CTNS: variants seen among roughly 807,000 people sequenced by gnomAD.
CTNS encodes the protein cystinosin, lysosomal cystine transporter.
CTNS carries 27 observed loss-of-function variants against 43.7 expected under a neutral mutation model. The ratio of observed to expected loss-of-function variants is 0.62; its 90% confidence interval spans 0.46 to 0.85. The LOEUF is 0.85. Among genes scored for constraint, CTNS ranks in the 40% least tolerant of loss-of-function variants. The pLI, the probability that CTNS is intolerant of heterozygous loss-of-function variation, is 0.00. For missense variants in CTNS, 457 were observed against 475.4 expected (o/e 0.96, Z 0.36); for synonymous variants, 187 against 190.6 (o/e 0.98, Z 0.16).
intron 5 of CTNS, among the ~76,000 whole-genome samples, chr17:3,652,605 A>G (rs2076013963): frequency 6.6e-6 from 1 of 152,122 alleles, no homozygotes; most frequent in African/African-American, 2.4e-5. Context: ...AAAATAAAAA[A>G]TGTCTAGGAT....
intron 5 of CTNS, among the ~76,000 whole-genome samples, chr17:3,653,689 A>G (rs189415645): frequency 6.6e-6 from 1 of 152,256 alleles, no homozygotes; most frequent in African/African-American, 2.4e-5. Context: ...CAGGCTGACC[A>G]ACATGGTGAA....
At chr17:3,641,365 T>G (rs1038416160) in intron 3 of CTNS, among the ~76,000 whole-genome samples, 7,419 of 27,584 alleles carry the variant, frequency 0.27, 1,172 homozygotes, top group Non-Finnish European at 0.36. Context: ...GATACATATA[T>G]ATATATATAT....
intron 10 of CTNS, among the ~76,000 whole-genome samples, chr17:3,658,662 C>T (rs11656829): frequency 0.2 from 29,917 of 152,256 alleles, 3,196 homozygotes; most frequent in East Asian, 0.25. Context: ...GAAGTTGCTG[C>T]ACCCGGGGAC....
chr17:3,656,047 T>C, intron 7 of CTNS: 1 of 314,126 alleles, frequency 3.2e-6, no homozygotes, highest in South Asian at 2.8e-5. Context: ...CCCACAGTGG[T>C]GCCAGTCCTC....
At position 3,661,009 on chromosome 17, in the gene CTNS, A is replaced by T; in HGVS notation, c.*640A>T. 1.9e-6 allele frequency: 1 copy of T among 518,526 alleles called. No homozygotes were observed. The highest frequency in any genetic ancestry group is 3.5e-6 in the Non-Finnish European group (1 of 286,010). 32.1% of individuals were successfully genotyped at this position (518,526 alleles called of 1,614,324 possible). A position where few individuals can be genotyped will look rare whatever the true frequency, so the allele number is the denominator to read the frequency against. ...TTGGTTCTGAATTGGATTCATGCCC[A>T]GCGCATTAGCATAGTAACTCCTTTC... is the stretch of plus-strand genomic sequence containing the variant. On this transcript the variant is annotated 3_prime_UTR_variant, in exon 12 of 12. Coordinates refer to ENST00000046640, the MANE Select transcript of CTNS (RefSeq NM_004937.3).
intron 10 of CTNS, among the ~76,000 whole-genome samples, chr17:3,658,902 G>A (rs11657570): frequency 0.2 from 30,011 of 152,068 alleles, 3,207 homozygotes; most frequent in East Asian, 0.25. Context: ...CGGCAGTGAG[G>A]GGATGTGGCT....
chr17:3,653,039 C>G (rs1186939767), intron 5 of CTNS, among the ~76,000 whole-genome samples: 1 of 152,174 alleles, frequency 6.6e-6, no homozygotes, highest in African/African-American at 2.4e-5. Flanking sequence ...GCGGGAGGAT[C>G]GCTTGAGCCC....
intron 7 of CTNS, 22 bp from the exon 8 acceptor site, chr17:3,656,465 C>T: frequency 6.5e-7 from 1 of 1,535,164 alleles, no homozygotes; most frequent in Non-Finnish European, 8.8e-7. Context: ...CCTGCCCTGT[C>T]TTGTCCCTCC....
chr17:3,660,133 C>A (rs903921008), intron 11 of CTNS, 103 bp from the exon 12 acceptor site: 7 of 1,547,402 alleles, frequency 4.5e-6, no homozygotes, highest in Non-Finnish European at 6.2e-6. Context: ...TAGCTGGAGG[C>A]TTTGTGGTTT....
rs1478849602 is a variant in CTNS at position 3,662,961 on chromosome 17, A to C, written c.*2592A>C. On this transcript the variant is annotated 3_prime_UTR_variant, in exon 12 of 12. Transcript: ENST00000046640. ...GGCGGCAGTGGTTTCCACGGTAACC[A>C]AAGTAAGGCTTGTGCACTTGCTGAG... 1.3e-5 allele frequency: 2 copies of C among 152,212 alleles called. No individual in the cohort carries two copies. Among genetic ancestry groups the C allele is most frequent in the Admixed American group, 1.3e-4 (2 of 15,284 alleles). The allele number at this position is 152,212 out of a possible 1,614,324, so 9.4% of individuals were successfully genotyped here. A position where few individuals can be genotyped will look rare whatever the true frequency, so the allele number is the denominator to read the frequency against.
At chr17:3,642,938 G>A (rs943138309) in intron 3 of CTNS, among the ~76,000 whole-genome samples, 2 of 152,062 alleles carry the variant, frequency 1.3e-5, no homozygotes, top group Admixed American at 1.3e-4. Context: ...TTTGAATCTT[G>A]CCCTCACCAT....
chr17:3,648,432 A>G (rs1198173437), intron 4 of CTNS, among the ~76,000 whole-genome samples: 2 of 152,270 alleles, frequency 1.3e-5, no homozygotes, highest in East Asian at 1.9e-4. Context: ...TGCCTCTCCC[A>G]GCTTTCCAAG....
intron 3 of CTNS, among the ~76,000 whole-genome samples, chr17:3,644,275 A>C (rs1038072060): frequency 1.3e-5 from 2 of 152,192 alleles, no homozygotes; most frequent in African/African-American, 4.8e-5. Flanking sequence ...ATGGAGGCTC[A>C]GAGAGGGTAA....
intron 7 of CTNS, chr17:3,655,609 G>C: frequency 4.9e-6 from 2 of 406,802 alleles, no homozygotes; most frequent in East Asian, 5.7e-5. Flanking sequence ...GTTTAGTGGA[G>C]AATGGGCGGG....
chr17:3,641,721 C>A (rs563819913), intron 3 of CTNS, among the ~76,000 whole-genome samples: 1 of 152,078 alleles, frequency 6.6e-6, no homozygotes, highest in South Asian at 2.1e-4. Flanking sequence ...TTCAAGTGAA[C>A]CTTGACAAAC....
chr17:3,658,969 T>TG (rs35189484), intron 10 of CTNS, among the ~76,000 whole-genome samples: 1,531 of 133,980 alleles, frequency 0.011, 11 homozygotes, highest in Non-Finnish European at 0.018. Context: ...TCCCGGGAGC[T>TG]GGGGGGGGCT....
intron 3 of CTNS, among the ~76,000 whole-genome samples, chr17:3,642,612 G>A (rs1212742180): frequency 1.4e-4 from 22 of 152,076 alleles, no homozygotes; most frequent in Admixed American, 1.4e-3. Flanking sequence ...GCTTGAACCC[G>A]GGAGGCAGGA....
intron 5 of CTNS, chr17:3,650,407 A>C (rs771235618): frequency 4.0e-6 from 6 of 1,501,970 alleles, no homozygotes; most frequent in Non-Finnish European, 5.4e-6. Context: ...ACTTGAGCCC[A>C]GGAACTCAAG....
rs1411741437 is a variant in CTNS, at chr17:3,661,335, A to T, written c.*966A>T. 6.0e-6 allele frequency: 1 copy of T among 166,400 alleles called. No homozygotes were observed. The highest frequency in any genetic ancestry group is 1.3e-5 in the Non-Finnish European group (1 of 75,440). 10.3% of individuals were successfully genotyped at this position (166,400 alleles called of 1,614,324 possible). ...CCTCAGATAAGTATTTGTACTTGAGACCACCTCACACAATCTGTATGGGCC... is the reference window on the plus strand; with the variant it reads ...CCTCAGATAAGTATTTGTACTTGAGTCCACCTCACACAATCTGTATGGGCC... On this transcript the variant is annotated 3_prime_UTR_variant, in exon 12 of 12. Transcript: ENST00000046640.
Sources: gnomAD v4.1 joint callset for allele counts (sites outside exome capture counted in the v4.1 genomes callset) on GRCh38, gnomAD v4.1.1 for gene constraint, MANE v1.5 for transcripts, NCBI Gene and HGNC (gene_info 2026-07-23, HGNC 2026-07-21) for gene names.